The following ZNF521 variants were observed in gnomAD, a reference collection of about 807,000 sequenced individuals.
ZNF521 encodes the protein zinc finger protein 521, also known as LYST-interacting protein 3.
ZNF521 carries 14 observed loss-of-function variants against 105.5 expected under a neutral mutation model. The observed-to-expected ratio is 0.13, with a 90% CI of 0.09 to 0.21. ZNF521 has a LOEUF of 0.21. Among genes scored for constraint, ZNF521 ranks in the 10% least tolerant of loss-of-function variants. ZNF521 has a pLI of 1.00. For missense variants in ZNF521, 1,233 were observed against 1,629.7 expected, an observed-to-expected ratio of 0.76 and a Z score of 4.19; for synonymous variants, 635 against 606.0, an observed-to-expected ratio of 1.05 and a Z score of -0.70.
chr18:25,116,858 CATATATATATACGTATAT>C (rs1201209805), intron 5 of ZNF521, among the ~76,000 whole-genome samples: 61 of 128,396 alleles, frequency 4.8e-4, no homozygotes, highest in Non-Finnish European at 8.6e-4. Context: ...AAATCTGTTA[CATATATATATACGTATAT>C]ATATATATAT....
chr18:25,228,022 A>C (rs1906291801), intron 3 of ZNF521, among the ~76,000 whole-genome samples: 1 of 152,224 alleles, frequency 6.6e-6, no homozygotes, highest in South Asian at 2.1e-4. Flanking sequence ...TGCAGATTTT[A>C]ATATATTTAA....
intron 5 of ZNF521, among the ~76,000 whole-genome samples, chr18:25,096,368 T>C (rs574170696): frequency 1.3e-5 from 2 of 152,296 alleles, no homozygotes; most frequent in East Asian, 1.9e-4. Flanking sequence ...TTATAAAACC[T>C]GGACCTACAT....
At chr18:25,276,877 T>C (rs1345379105) in intron 3 of ZNF521, among the ~76,000 whole-genome samples, 1 of 152,234 alleles carries the variant, frequency 6.6e-6, no homozygotes, top group Non-Finnish European at 1.5e-5. Flanking sequence ...GATATTATCA[T>C]TAATAAGTGT....
chr18:25,089,676 C>A (rs925773182), intron 6 of ZNF521, 96 bp from the exon 7 acceptor site: 2 of 936,062 alleles, frequency 2.1e-6, no homozygotes, highest in East Asian at 2.6e-5. Flanking sequence ...CCGGACAGCA[C>A]GCCTCCCAGG....
intron 4 of ZNF521, among the ~76,000 whole-genome samples, chr18:25,213,652 T>C (rs1419864780): frequency 1.3e-5 from 2 of 152,152 alleles, no homozygotes; most frequent in Non-Finnish European, 2.9e-5. Flanking sequence ...ATCAGATTCA[T>C]CAAATGAACA....
chr18:25,116,871 G>A (rs923625456), intron 5 of ZNF521, among the ~76,000 whole-genome samples: 4 of 138,738 alleles, frequency 2.9e-5, no homozygotes, highest in African/African-American at 1.1e-4. Context: ...ATATATATAC[G>A]TATATATATA....
rs1360523200 is a variant in ZNF521 at position 25,081,272 on chromosome 18, G to A, written c.3906+8193C>T. 5.9e-5 allele frequency among the ~76,000 whole-genome samples: 9 copies of A among 152,292 alleles called. No homozygotes were observed. The East Asian group carries it at 9.6e-4, about 16-fold the overall frequency. The stretch of plus-strand genomic sequence containing the variant: ...GGGCCAGACAAAAAAATAATGTAAT[G>A]GCAGCTCGCTAACAACAGGGCTGTT... On this transcript the variant is annotated intron_variant, in intron 7 of 7. Transcript: ENST00000361524.
chr18:25,120,873 T>C (rs962983269), intron 5 of ZNF521, among the ~76,000 whole-genome samples: 3 of 152,230 alleles, frequency 2.0e-5, no homozygotes, highest in East Asian at 3.9e-4. Flanking sequence ...CACTTTCACC[T>C]TCACTCTGCA....
At chr18:25,260,943 C>T (rs2144893063) in intron 3 of ZNF521, among the ~76,000 whole-genome samples, 1 of 152,270 alleles carries the variant, frequency 6.6e-6, no homozygotes. Flanking sequence ...AATTAAGGCA[C>T]AATTTCAACA....
intron 5 of ZNF521, among the ~76,000 whole-genome samples, chr18:25,109,904 G>A (rs2034151093): frequency 6.6e-6 from 1 of 152,114 alleles, no homozygotes; most frequent in African/African-American, 2.4e-5. Flanking sequence ...AAGATTGTCT[G>A]TTTATCCTGT....
intron 5 of ZNF521, among the ~76,000 whole-genome samples, chr18:25,186,062 C>T (rs781277009): frequency 1.4e-4 from 21 of 152,042 alleles, no homozygotes; most frequent in Non-Finnish European, 2.5e-4. Context: ...AAAGAGAGAA[C>T]GACTGATTTT....
At chr18:25,162,174 A>G (rs1567988706) in intron 5 of ZNF521, among the ~76,000 whole-genome samples, 1 of 152,182 alleles carries the variant, frequency 6.6e-6, no homozygotes, top group Non-Finnish European at 1.5e-5. Flanking sequence ...CCTGAAATCA[A>G]ATGTTCAATG....
At chr18:25,129,642 C>G (rs922581509) in intron 5 of ZNF521, among the ~76,000 whole-genome samples, 3 of 151,832 alleles carry the variant, frequency 2.0e-5, no homozygotes, top group Non-Finnish European at 1.5e-5. Flanking sequence ...AATTAGAAAA[C>G]AAACAACTCA....
intron 5 of ZNF521, among the ~76,000 whole-genome samples, chr18:25,116,984 TACACAC>T (rs1260333877): frequency 8.6e-6 from 1 of 116,212 alleles, no homozygotes; most frequent in African/African-American, 3.4e-5. Context: ...TATATATATA[TACACAC>T]ACACATATAT....
intron 5 of ZNF521, among the ~76,000 whole-genome samples, chr18:25,168,776 T>C (rs1207182875): frequency 7.2e-5 from 11 of 152,218 alleles, no homozygotes; most frequent in Non-Finnish European, 1.5e-4. Context: ...TTCCTTGACA[T>C]ATACACCACT....
chr18:25,094,804 A>G (rs1280311711), intron 5 of ZNF521, among the ~76,000 whole-genome samples: 1 of 152,008 alleles, frequency 6.6e-6, no homozygotes, highest in Non-Finnish European at 1.5e-5. Context: ...CCCTTCCCCC[A>G]TCTTCACACT....
At position 25,350,894 on chromosome 18, in the gene ZNF521, G is replaced by T. The variant is rs1273083037; in HGVS notation, c.40+13C>A. The T allele has an allele frequency of 6.5e-7, 1 of 1,549,118 alleles. No homozygotes were observed. Among genetic ancestry groups the T allele is most frequent in the Admixed American group, 2.0e-5 (1 of 50,948 alleles). On this transcript the variant is annotated intron_variant, in intron 2 of 7. Coordinates refer to ENST00000361524, the MANE Select transcript of ZNF521 (RefSeq NM_015461.3). ...GGATGGGGGAAAGCGGGGAGCAGGG[G>T]GTTCCTCCTTACCTTTGAGGGATCT...
chr18:25,135,088 T>C (rs1344694740), intron 5 of ZNF521, among the ~76,000 whole-genome samples: 2 of 152,108 alleles, frequency 1.3e-5, no homozygotes, highest in Admixed American at 1.3e-4. Flanking sequence ...TGGGGAATTA[T>C]CAGCTAAATT....
At chr18:25,132,715 G>T (rs1464402602) in intron 5 of ZNF521, among the ~76,000 whole-genome samples, 4 of 152,128 alleles carry the variant, frequency 2.6e-5, no homozygotes, top group African/African-American at 7.2e-5. Context: ...GGAGCTATTT[G>T]ATTTTGACAA....
Sources: gnomAD v4.1 joint callset for allele counts (sites outside exome capture counted in the v4.1 genomes callset) on GRCh38, gnomAD v4.1.1 for gene constraint, MANE v1.5 for transcripts, NCBI Gene and HGNC (gene_info 2026-07-23, HGNC 2026-07-21) for gene names.